Variants in B3GLCT observed in about 807,000 individuals in gnomAD.
B3GLCT encodes the protein beta-1,3-glucosyltransferase.
In B3GLCT, 65 loss-of-function variants were observed where a neutral mutation model predicts 63.4. The observed-to-expected ratio is 1.03, with a 90% confidence interval of 0.84 to 1.26. The LOEUF is 1.26. Ranked by LOEUF, B3GLCT falls within the 50% of genes most tolerant of loss-of-function variation. The pLI, the probability that B3GLCT is intolerant of heterozygous loss-of-function variation, is 0.00. For missense variants in B3GLCT, 577 were observed against 604.8 expected (o/e 0.95, Z 0.48); for synonymous variants, 233 against 219.2 (o/e 1.06, Z -0.55).
chr13:31,264,031 TTTTCTGGTTCC>T (rs1304909816), intron 7 of B3GLCT, among the ~76,000 whole-genome samples: 18 of 152,052 alleles, frequency 1.2e-4, no homozygotes, highest in Admixed American at 1.2e-3. Flanking sequence ...TGAGTGCCAG[TTTTCTGGTTCC>T]TTTCCTTCTT....
At chr13:31,263,386 CAT>C in intron 7 of B3GLCT, among the ~76,000 whole-genome samples, 1 of 152,332 alleles carries the variant, frequency 6.6e-6, no homozygotes, top group East Asian at 1.9e-4. Flanking sequence ...TGTTTGAACA[CAT>C]TTTTGACTCC....
chr13:31,278,866 A>G (rs1467797022), intron 10 of B3GLCT, among the ~76,000 whole-genome samples: 1 of 152,186 alleles, frequency 6.6e-6, no homozygotes, highest in Admixed American at 6.5e-5. Flanking sequence ...TCCTCGTGAT[A>G]TGATAATTAT....
chr13:31,271,282 T>C (rs374989496), intron 8 of B3GLCT, among the ~76,000 whole-genome samples: 3 of 152,232 alleles, frequency 2.0e-5, no homozygotes, highest in African/African-American at 7.2e-5. Context: ...GACTCATCCA[T>C]GTTGATTCAT....
rs1432116409 is a variant in B3GLCT at position 31,253,613 on chromosome 13, A to C, written c.459+5647A>C. On this transcript the variant is annotated intron_variant, in intron 6 of 14. Transcript: ENST00000343307. ...TCCATCTCAAAAAAAAAAAAAAAAA[A>C]AAAAAAAACTAGAGAAGCAAGAGCA... Among the ~76,000 whole-genome samples the C allele has an allele frequency of 8.0e-4, 118 of 147,074 alleles. 12 individuals are homozygous for C. Among genetic ancestry groups the C allele is most frequent in the African/African-American group, 2.8e-3 (112 of 40,120 alleles).
intron 10 of B3GLCT, among the ~76,000 whole-genome samples, chr13:31,280,333 C>T (rs1873007433): frequency 6.6e-6 from 1 of 152,206 alleles, no homozygotes; most frequent in African/African-American, 2.4e-5. Context: ...TTTATGTTCT[C>T]CTGCCATGGC....
intron 6 of B3GLCT, among the ~76,000 whole-genome samples, chr13:31,259,648 G>C (rs1871921151): frequency 6.6e-6 from 1 of 151,708 alleles, no homozygotes; most frequent in Non-Finnish European, 1.5e-5. Flanking sequence ...TCCAGCTCCA[G>C]ACTCCGCCTT....
chr13:31,236,780 A>T (rs1292933073), intron 4 of B3GLCT, among the ~76,000 whole-genome samples: 1 of 152,176 alleles, frequency 6.6e-6, no homozygotes, highest in African/African-American at 2.4e-5. Context: ...AGAGTTTTTT[A>T]TGCCACATGT....
At chr13:31,283,843 A>G (rs1015447782) in intron 10 of B3GLCT, among the ~76,000 whole-genome samples, 1 of 152,228 alleles carries the variant, frequency 6.6e-6, no homozygotes, top group African/African-American at 2.4e-5. Flanking sequence ...TTGACAGGAT[A>G]TAAAATCTAA....
rs2137963826 is a variant in B3GLCT at position 31,332,262 on chromosome 13, A to G, written c.*2594A>G. ...TTTGTATGGACTAAATAAAAACTTTATTATGTAATGAAAAGTTGAACACTT... is the reference window on the plus strand; with the variant it reads ...TTTGTATGGACTAAATAAAAACTTTGTTATGTAATGAAAAGTTGAACACTT... On this transcript the variant is annotated 3_prime_UTR_variant, in exon 15 of 15. Coordinates refer to ENST00000343307, the MANE Select transcript of B3GLCT (RefSeq NM_194318.4). 6.6e-6 allele frequency: 1 copy of G among 152,332 alleles called. No individual in the cohort carries two copies. Among genetic ancestry groups the G allele is most frequent in the East Asian group, 1.9e-4 (1 of 5,190 alleles). 9.4% of individuals were successfully genotyped at this position (152,332 alleles called of 1,614,324 possible).
At chr13:31,217,664 C>T (rs542058551) in intron 2 of B3GLCT, among the ~76,000 whole-genome samples, 171 of 152,322 alleles carry the variant, frequency 1.1e-3, no homozygotes, top group African/African-American at 4.0e-3. Context: ...ATATGGCTAG[C>T]CAATTATCCC....
At chr13:31,313,662 G>A (rs1874839576) in intron 12 of B3GLCT, among the ~76,000 whole-genome samples, 2 of 152,194 alleles carry the variant, frequency 1.3e-5, no homozygotes, top group Non-Finnish European at 2.9e-5. Context: ...TGTGTACCCT[G>A]ACTACGCGAT....
At chr13:31,239,181 TG>T (rs568391557) in intron 4 of B3GLCT, among the ~76,000 whole-genome samples, 27 of 152,288 alleles carry the variant, frequency 1.8e-4, no homozygotes, top group Admixed American at 1.6e-3. Context: ...CTTTGTAGAT[TG>T]CAGTGAATGG....
In B3GLCT at chr13:31,239,256, A is replaced by G. The variant is rs150766353; in HGVS notation, c.271-7767A>G. On this transcript the variant is annotated intron_variant, in intron 4 of 14. Transcript: ENST00000343307. ...TACGGCTTCCTAAATGCAGATCTGC[A>G]CATAGAGGAATACAGAGTTTGAAGA... 2.9e-3 allele frequency among the ~76,000 whole-genome samples: 447 copies of G among 152,316 alleles called. 3 individuals are homozygous for G. Among genetic ancestry groups the G allele is most frequent in the African/African-American group, 9.4e-3 (390 of 41,560 alleles).
At position 31,329,945 on chromosome 13, in the gene B3GLCT, G is replaced by A. The variant is rs190257022; in HGVS notation, c.*277G>A. On this transcript the variant is annotated 3_prime_UTR_variant, in exon 15 of 15. Transcript: ENST00000343307. ...GTATTCTCCAAGCTGTGATACAGCA[G>A]TTTTTTTTTATTGTCACAGGGAAAT... 1 of 409,266 alleles carries A rather than the reference G, an allele frequency of 2.4e-6. No individual in the cohort carries two copies. Among genetic ancestry groups the A allele is most frequent in the African/African-American group, 2.0e-5 (1 of 49,270 alleles). 25.4% of individuals were successfully genotyped at this position (409,266 alleles called of 1,614,324 possible). A position where few individuals can be genotyped will look rare whatever the true frequency, so the allele number is the denominator to read the frequency against.
chr13:31,275,508 C>T (rs1057164148), intron 9 of B3GLCT, among the ~76,000 whole-genome samples: 10 of 152,078 alleles, frequency 6.6e-5, no homozygotes, highest in Non-Finnish European at 1.5e-4. Flanking sequence ...TCTGTGACAC[C>T]CACGCCTTCT....
At chr13:31,280,662 G>C (rs1873028274) in intron 10 of B3GLCT, among the ~76,000 whole-genome samples, 1 of 152,210 alleles carries the variant, frequency 6.6e-6, no homozygotes, top group Admixed American at 6.5e-5. Context: ...TCTCATGGAA[G>C]AATTGATAAT....
At chr13:31,317,482 A>T in intron 12 of B3GLCT, 84 bp from the exon 13 acceptor site, 2 of 1,490,104 alleles carry the variant, frequency 1.3e-6, no homozygotes, top group South Asian at 2.3e-5. Flanking sequence ...CACAGTATAC[A>T]GAGTGGGATG....
chr13:31,278,433 G>C (rs1215608277), intron 10 of B3GLCT, among the ~76,000 whole-genome samples: 1 of 152,130 alleles, frequency 6.6e-6, no homozygotes, highest in Non-Finnish European at 1.5e-5. Context: ...AATCTTAAAA[G>C]CCTATTAGGA....
At chr13:31,250,039 A>C (rs1450355065) in intron 6 of B3GLCT, among the ~76,000 whole-genome samples, 1 of 152,214 alleles carries the variant, frequency 6.6e-6, no homozygotes, top group Non-Finnish European at 1.5e-5. Context: ...TTTAACTTTT[A>C]TTAATCTTTA....
Sources: allele counts gnomAD v4.1 joint callset (sites outside exome capture counted in the v4.1 genomes callset), GRCh38; gene constraint gnomAD v4.1.1; transcripts MANE v1.5; gene names NCBI Gene and HGNC (gene_info 2026-07-23, HGNC 2026-07-21).